CSMD1: variants seen among roughly 807,000 people sequenced by gnomAD.
CSMD1 encodes the protein CUB and sushi domain-containing protein 1.
Under a neutral mutation model 417.5 loss-of-function variants are expected in CSMD1, and 213 were observed. That is an observed-to-expected ratio of 0.51 (90% CI 0.46 to 0.57). The LOEUF is 0.57. CSMD1 is among the 20% of genes least tolerant of loss of function. The pLI is 0.00. For missense variants in CSMD1, 6,923 were observed against 4,529.7 expected, an observed-to-expected ratio of 1.53 and a Z score of -15.17; for synonymous variants, 2,862 against 1,736.8, an observed-to-expected ratio of 1.65 and a Z score of -16.11.
At chr8:3,578,897 A>G (rs1800263660) in intron 9 of CSMD1, among the ~76,000 whole-genome samples, 1 of 152,236 alleles carries the variant, frequency 6.6e-6, no homozygotes, top group South Asian at 2.1e-4. Context: ...TTTTTAAAAC[A>G]AGATCTCTCT....
intron 3 of CSMD1, among the ~76,000 whole-genome samples, chr8:4,134,590 AC>A (rs1360627659): frequency 6.6e-6 from 1 of 152,202 alleles, no homozygotes; most frequent in Non-Finnish European, 1.5e-5. Context: ...AATGCATACA[AC>A]TTCCAACAAA....
intron 52 of CSMD1, among the ~76,000 whole-genome samples, chr8:3,005,926 A>G (rs556011183): frequency 0.018 from 2,710 of 152,148 alleles, 82 homozygotes; most frequent in African/African-American, 0.061. Context: ...GGCCAGGGCA[A>G]TTAGGCAGGA....
chr8:3,023,927 T>C (rs1438425009), intron 51 of CSMD1, among the ~76,000 whole-genome samples: 1 of 151,396 alleles, frequency 6.6e-6, no homozygotes, highest in East Asian at 1.9e-4. Flanking sequence ...CCCTTGAAGA[T>C]TCCGTTGGTC....
intron 2 of CSMD1, among the ~76,000 whole-genome samples, chr8:4,603,372 T>C (rs1165109601): frequency 6.6e-6 from 1 of 152,114 alleles, no homozygotes; most frequent in Non-Finnish European, 1.5e-5. Context: ...CAAAACATTA[T>C]ATATTAAACC....
intron 5 of CSMD1, among the ~76,000 whole-genome samples, chr8:3,867,799 T>C (rs1805207042): frequency 6.6e-6 from 1 of 152,086 alleles, no homozygotes; most frequent in Non-Finnish European, 1.5e-5. Context: ...GGAGTATGAC[T>C]CACATTCCAA....
At chr8:3,450,091 C>T (rs1815598067) in intron 12 of CSMD1, among the ~76,000 whole-genome samples, 1 of 152,166 alleles carries the variant, frequency 6.6e-6, no homozygotes, top group Admixed American at 6.5e-5. Flanking sequence ...ATCTGGTTTG[C>T]TGACTGTTTC....
At chr8:3,838,624 T>C (rs1802866746) in intron 5 of CSMD1, among the ~76,000 whole-genome samples, 1 of 133,634 alleles carries the variant, frequency 7.5e-6, no homozygotes, top group African/African-American at 2.8e-5. Flanking sequence ...AATAAATAAA[T>C]TAATATATAA....
At chr8:4,273,430 T>A (rs1804725123) in intron 3 of CSMD1, among the ~76,000 whole-genome samples, 1 of 152,106 alleles carries the variant, frequency 6.6e-6, no homozygotes, top group African/African-American at 2.4e-5. Flanking sequence ...CAATTATACT[T>A]TTTTATCTTC....
intron 6 of CSMD1, among the ~76,000 whole-genome samples, chr8:3,710,535 T>C (rs1326745195): frequency 2.0e-5 from 3 of 152,150 alleles, no homozygotes; most frequent in Non-Finnish European, 2.9e-5. Flanking sequence ...GGTGGACAAT[T>C]GCCCTTTGGG....
chr8:3,291,951 C>G (rs60752100), intron 25 of CSMD1, among the ~76,000 whole-genome samples: 7 of 151,966 alleles, frequency 4.6e-5, no homozygotes, highest in South Asian at 2.1e-4. Flanking sequence ...CCTGCTTTCT[C>G]TTGTGGGCAT....
chr8:4,841,629 G>T (rs1282652622), intron 1 of CSMD1, among the ~76,000 whole-genome samples: 1 of 152,084 alleles, frequency 6.6e-6, no homozygotes, highest in East Asian at 1.9e-4. Flanking sequence ...GTTCAGAACA[G>T]GTCAGGCGCG....
intron 5 of CSMD1, among the ~76,000 whole-genome samples, chr8:3,946,241 T>G (rs1371268048): frequency 3.3e-5 from 5 of 152,206 alleles, no homozygotes; most frequent in African/African-American, 4.8e-5. Flanking sequence ...TGTATGCATC[T>G]TGATATTGTA....
At chr8:3,917,154 C>T (rs796880732) in intron 5 of CSMD1, among the ~76,000 whole-genome samples, 11 of 152,250 alleles carry the variant, frequency 7.2e-5, no homozygotes, top group African/African-American at 2.6e-4. Flanking sequence ...ACCTGCTGCA[C>T]AGAGGAATAA....
chr8:4,413,830 T>A (rs1318629757), intron 3 of CSMD1, among the ~76,000 whole-genome samples: 1 of 152,144 alleles, frequency 6.6e-6, no homozygotes, highest in Non-Finnish European at 1.5e-5. Context: ...AGGACCCTAC[T>A]TCTACTTGTT....
At chr8:3,151,290 A>G (rs1819177901) in intron 40 of CSMD1, 107 bp downstream of exon 40, 1 of 680,848 alleles carries the variant, frequency 1.5e-6, no homozygotes, top group South Asian at 1.9e-5. Context: ...ACTTTCAATT[A>G]CAGATACAGT....
intron 1 of CSMD1, among the ~76,000 whole-genome samples, chr8:4,803,377 G>C (rs1344002697): frequency 2.0e-5 from 3 of 152,160 alleles, no homozygotes; most frequent in Non-Finnish European, 4.4e-5. Flanking sequence ...AACTACCAGT[G>C]ATGTACTCAA....
In CSMD1 at chr8:3,953,815, G is replaced by A. The variant is rs376222715; in HGVS notation, c.818+44088C>T. 3.3e-5 allele frequency among the ~76,000 whole-genome samples: 5 copies of A among 152,214 alleles called. No individual in the cohort carries two copies. In the East Asian group the frequency reaches 9.7e-4, roughly 30 times the overall value. The stretch of plus-strand genomic sequence containing the variant: ...ACCTCAGAGCTATACAGCCATGAGA[G>A]GTCTCATTTTCCCTGCAGTTCCTAG... On this transcript the variant is annotated intron_variant, in intron 5 of 69. Coordinates refer to ENST00000635120, the MANE Select transcript of CSMD1 (RefSeq NM_033225.6).
intron 1 of CSMD1, among the ~76,000 whole-genome samples, chr8:4,775,185 G>C (rs181830567): frequency 2.0e-4 from 30 of 152,152 alleles, no homozygotes; most frequent in African/African-American, 7.0e-4. Flanking sequence ...ACATCAACTA[G>C]AATTTGATTA....
intron 1 of CSMD1, among the ~76,000 whole-genome samples, chr8:4,974,579 T>A (rs549781694): frequency 3.0e-4 from 45 of 152,150 alleles, no homozygotes; most frequent in Non-Finnish European, 4.3e-4. Context: ...GGAGTCGACG[T>A]TTTATGTATA....
Sources: allele counts gnomAD v4.1 joint callset (sites outside exome capture counted in the v4.1 genomes callset), GRCh38; gene constraint gnomAD v4.1.1; transcripts MANE v1.5; gene names NCBI Gene and HGNC (gene_info 2026-07-23, HGNC 2026-07-21).